PDZRN4: variants seen among roughly 807,000 people sequenced by gnomAD.
PDZRN4 encodes the protein PDZ domain containing ring finger 4.
Under a neutral mutation model 99.0 loss-of-function variants are expected in PDZRN4, and 70 were observed. That is an observed-to-expected ratio of 0.71 (90% CI 0.58 to 0.86). The LOEUF (loss-of-function observed/expected upper bound fraction) is 0.86, where lower values mean the gene tolerates loss of function less well. PDZRN4 is among the 40% of genes least tolerant of loss of function. PDZRN4 has a pLI of 0.00. For missense variants in PDZRN4, 1,474 were observed against 1,331.2 expected (o/e 1.11, Z -1.67); for synonymous variants, 551 against 501.6 (o/e 1.10, Z -1.32).
chr12:41,565,243 A>G (rs540787997), intron 8 of PDZRN4, among the ~76,000 whole-genome samples: 33 of 152,112 alleles, frequency 2.2e-4, no homozygotes, highest in Non-Finnish European at 4.3e-4. Context: ...GTCTGACTCC[A>G]TAGGATGCTG....
intron 3 of PDZRN4, among the ~76,000 whole-genome samples, chr12:41,270,573 A>G (rs371513143): frequency 4.3e-4 from 65 of 152,116 alleles, no homozygotes; most frequent in African/African-American, 1.5e-3. Flanking sequence ...TTCAGTGAAG[A>G]TACAAAATTG....
At chr12:41,365,347 G>T (rs1951991391) in intron 3 of PDZRN4, among the ~76,000 whole-genome samples, 1 of 151,814 alleles carries the variant, frequency 6.6e-6, no homozygotes, top group African/African-American at 2.4e-5. Flanking sequence ...CACATACATT[G>T]GTTCAGCTAT....
At chr12:41,338,403 TAAA>T (rs1240380407) in intron 3 of PDZRN4, among the ~76,000 whole-genome samples, 1 of 152,020 alleles carries the variant, frequency 6.6e-6, no homozygotes, top group Non-Finnish European at 1.5e-5. Context: ...AATATTAAGG[TAAA>T]ATGCTTATGG....
chr12:41,224,327 T>C (rs1420952702), intron 3 of PDZRN4, among the ~76,000 whole-genome samples: 1 of 152,190 alleles, frequency 6.6e-6, no homozygotes, highest in Non-Finnish European at 1.5e-5. Context: ...TCTTAACCAA[T>C]GGCCAGCTAA....
At chr12:41,356,010 T>A (rs921348800) in intron 3 of PDZRN4, among the ~76,000 whole-genome samples, 1 of 152,164 alleles carries the variant, frequency 6.6e-6, no homozygotes, top group South Asian at 2.1e-4. Context: ...AAAGATCCTC[T>A]TTTGTTTTTA....
At chr12:41,399,115 T>G (rs993022278) in intron 3 of PDZRN4, among the ~76,000 whole-genome samples, 1 of 152,072 alleles carries the variant, frequency 6.6e-6, no homozygotes, top group African/African-American at 2.4e-5. Flanking sequence ...ATTTATTATA[T>G]GTAGTAAAAA....
chr12:41,346,563 A>C (rs1171054626), intron 3 of PDZRN4, among the ~76,000 whole-genome samples: 8 of 152,148 alleles, frequency 5.3e-5, no homozygotes, highest in African/African-American at 1.2e-4. Context: ...GGTTCCTTTA[A>C]GCATTATTTT....
chr12:41,247,409 G>T (rs555543129), intron 3 of PDZRN4, among the ~76,000 whole-genome samples: 1 of 152,246 alleles, frequency 6.6e-6, no homozygotes, highest in South Asian at 2.1e-4. Context: ...GTTTTAACAA[G>T]CTGATATTTA....
intron 3 of PDZRN4, among the ~76,000 whole-genome samples, chr12:41,395,209 G>A (rs576873699): frequency 6.6e-6 from 1 of 151,226 alleles, no homozygotes; most frequent in Non-Finnish European, 1.5e-5. Context: ...ATCCTCTTGA[G>A]TATAGCCCCT....
At chr12:41,555,819 C>A in intron 7 of PDZRN4, 59 bp downstream of exon 7, 1 of 1,338,650 alleles carries the variant, frequency 7.5e-7, no homozygotes, top group Non-Finnish European at 1.1e-6. Context: ...TACTATTTTA[C>A]TTTGTTTCTT....
intron 3 of PDZRN4, among the ~76,000 whole-genome samples, chr12:41,282,182 A>T (rs1027935291): frequency 3.3e-5 from 5 of 152,212 alleles, no homozygotes; most frequent in African/African-American, 1.2e-4. Flanking sequence ...AGGAATATTT[A>T]CCATGCAAAT....
intron 3 of PDZRN4, among the ~76,000 whole-genome samples, chr12:41,257,503 G>T (rs1293847426): frequency 6.6e-6 from 1 of 152,160 alleles, no homozygotes; most frequent in Admixed American, 6.5e-5. Flanking sequence ...CACAGGAGAG[G>T]TAACTGAAGC....
At chr12:41,228,181 G>T (rs73119065) in intron 3 of PDZRN4, among the ~76,000 whole-genome samples, 2 of 152,000 alleles carry the variant, frequency 1.3e-5, no homozygotes, top group African/African-American at 4.8e-5. Flanking sequence ...ATCCTCCTCC[G>T]AATCTGCCAG....
At chr12:41,354,554 A>G (rs1592025192) in intron 3 of PDZRN4, among the ~76,000 whole-genome samples, 2 of 152,234 alleles carry the variant, frequency 1.3e-5, no homozygotes, top group East Asian at 3.9e-4. Context: ...AAGAAATTGA[A>G]TTCATAAATG....
chr12:41,495,362 T>A (rs2730803), intron 3 of PDZRN4, among the ~76,000 whole-genome samples: 81,980 of 151,878 alleles, frequency 0.54, 22,896 homozygotes, highest in African/African-American at 0.7. Flanking sequence ...TTCAACCTCT[T>A]CAGCTTGTAT....
intron 3 of PDZRN4, among the ~76,000 whole-genome samples, chr12:41,310,756 T>C (rs1951601240): frequency 6.6e-6 from 1 of 152,252 alleles, no homozygotes; most frequent in African/African-American, 2.4e-5. Context: ...TGTTGTAATA[T>C]TTTATTCATG....
In PDZRN4 at chr12:41,565,448, TA is replaced by T. The variant is rs60759503; in HGVS notation, c.1467+1811del. On this transcript the variant is annotated intron_variant, in intron 8 of 9. Coordinates refer to ENST00000402685, the MANE Select transcript of PDZRN4 (RefSeq NM_001164595.2). ...TGCTATAAAGTGGCAAAAAAAAAACTAAAAAAAAAAAATCTTGTCTTTATAT... is the reference window on the plus strand; with the variant it reads ...TGCTATAAAGTGGCAAAAAAAAAACTAAAAAAAAAAATCTTGTCTTTATAT... Among the ~76,000 whole-genome samples the T allele has an allele frequency of 1.8e-3, 254 of 144,660 alleles. 2 individuals are homozygous for T. The highest frequency in any genetic ancestry group is 5.4e-3 in the African/African-American group (212 of 39,586). The allele number at this position is 144,660 out of a possible 152,430, so 94.9% of individuals were successfully genotyped here. A position where few individuals can be genotyped will look rare whatever the true frequency, so the allele number is the denominator to read the frequency against.
intron 5 of PDZRN4, among the ~76,000 whole-genome samples, chr12:41,544,744 T>C (rs1199359294): frequency 2.0e-5 from 3 of 152,230 alleles, no homozygotes; most frequent in Non-Finnish European, 4.4e-5. Flanking sequence ...TCAGGACCCC[T>C]ATTTCAGAAA....
intron 3 of PDZRN4, among the ~76,000 whole-genome samples, chr12:41,470,610 C>T (rs1015500767): frequency 6.6e-6 from 1 of 152,112 alleles, no homozygotes; most frequent in African/African-American, 2.4e-5. Context: ...ATTAACTCGT[C>T]ATTTAGCATT....
Sources: allele counts gnomAD v4.1 joint callset (sites outside exome capture counted in the v4.1 genomes callset), GRCh38; gene constraint gnomAD v4.1.1; transcripts MANE v1.5; gene names NCBI Gene and HGNC (gene_info 2026-07-23, HGNC 2026-07-21).